Variants in LOC128125817 observed in about 807,000 individuals in gnomAD.
the LOC128125817 span, among the ~76,000 whole-genome samples, chr1:41,606,973 T>C: frequency 6.6e-6 from 1 of 152,006 alleles, no homozygotes; most frequent in Non-Finnish European, 1.5e-5. Context: ...AAAATCTGTG[T>C]GTGTTTCTTT....
the LOC128125817 span, among the ~76,000 whole-genome samples, chr1:41,595,307 A>T: frequency 6.6e-6 from 1 of 152,170 alleles, no homozygotes; most frequent in Non-Finnish European, 1.5e-5. Flanking sequence ...CTTGTCAGTA[A>T]TTCTCAGTAG....
At chr1:41,616,600 A>G in the LOC128125817 span, among the ~76,000 whole-genome samples, 1 of 140,466 alleles carries the variant, frequency 7.1e-6, no homozygotes, top group African/African-American at 2.7e-5. Context: ...AGGGTATAGG[A>G]AGTGGGGAAG....
At chr1:41,600,078 A>G in the LOC128125817 span, among the ~76,000 whole-genome samples, 1 of 152,220 alleles carries the variant, frequency 6.6e-6, no homozygotes, top group Non-Finnish European at 1.5e-5. Context: ...ATTTGCAAGG[A>G]TGTAGAGAAA....
At chr1:41,624,047 A>G in the LOC128125817 span, among the ~76,000 whole-genome samples, 8 of 152,196 alleles carry the variant, frequency 5.3e-5, no homozygotes, top group Non-Finnish European at 1.2e-4. Context: ...AACAACTGCT[A>G]GGAGACTTCC....
chr1:41,604,013 G>T, the LOC128125817 span, among the ~76,000 whole-genome samples: 5 of 152,246 alleles, frequency 3.3e-5, no homozygotes, highest in Non-Finnish European at 7.3e-5. Flanking sequence ...CAGCTAACAT[G>T]AAGCAAACAA....
At chr1:41,627,342 TGC>T in the LOC128125817 span, among the ~76,000 whole-genome samples, 1 of 152,200 alleles carries the variant, frequency 6.6e-6, no homozygotes, top group African/African-American at 2.4e-5. Context: ...AACCAGTAAG[TGC>T]CTCACACAAC....
the LOC128125817 span, among the ~76,000 whole-genome samples, chr1:41,611,643 T>C: frequency 6.6e-6 from 1 of 152,190 alleles, no homozygotes; most frequent in Non-Finnish European, 1.5e-5. Context: ...CACCTCCACA[T>C]GTGGCTCTAG....
At chr1:41,608,490 C>G in the LOC128125817 span, among the ~76,000 whole-genome samples, 2 of 152,106 alleles carry the variant, frequency 1.3e-5, no homozygotes, top group Non-Finnish European at 2.9e-5. Flanking sequence ...GTGAAGAAGG[C>G]GGGGAGGGGT....
chr1:41,618,003 T>C, the LOC128125817 span, among the ~76,000 whole-genome samples: 3 of 152,160 alleles, frequency 2.0e-5, no homozygotes, highest in East Asian at 5.8e-4. Context: ...GGTGGGTGCA[T>C]TTCCCCAGCT....
the LOC128125817 span, among the ~76,000 whole-genome samples, chr1:41,590,249 G>A: frequency 7.2e-4 from 110 of 152,358 alleles, no homozygotes; most frequent in Non-Finnish European, 5.9e-5. Context: ...GGTCAAGGCG[G>A]AGCTCTGGCT....
the LOC128125817 span, among the ~76,000 whole-genome samples, chr1:41,604,438 T>C: frequency 3.3e-5 from 5 of 152,188 alleles, no homozygotes; most frequent in Non-Finnish European, 7.4e-5. Flanking sequence ...ATATGCCGTG[T>C]GATGATGTGA....
the LOC128125817 span, among the ~76,000 whole-genome samples, chr1:41,618,454 TG>T: frequency 6.6e-6 from 1 of 152,244 alleles, no homozygotes; most frequent in African/African-American, 2.4e-5. Context: ...GTTGAGGAGC[TG>T]GTGTGCCCAT....
the LOC128125817 span, among the ~76,000 whole-genome samples, chr1:41,586,455 C>T: frequency 6.6e-6 from 1 of 152,150 alleles, no homozygotes; most frequent in East Asian, 1.9e-4. Flanking sequence ...GTTTGTTCCC[C>T]AGCCCCTTCT....
At chr1:41,596,541 A>G in the LOC128125817 span, among the ~76,000 whole-genome samples, 1 of 152,234 alleles carries the variant, frequency 6.6e-6, no homozygotes, top group African/African-American at 2.4e-5. Context: ...TGGCCTGGGC[A>G]GGAACTAGGC....
the LOC128125817 span, among the ~76,000 whole-genome samples, chr1:41,616,584 T>TC: frequency 1.3e-5 from 2 of 148,926 alleles, no homozygotes; most frequent in Admixed American, 6.7e-5. Flanking sequence ...TTTTTTTTTT[T>TC]CAAACAGGGT....
the LOC128125817 span, among the ~76,000 whole-genome samples, chr1:41,611,516 C>G: frequency 6.6e-6 from 1 of 152,238 alleles, no homozygotes. Flanking sequence ...CAGATGAGGA[C>G]ACAAAGGCAC....
chr1:41,592,084 G>A, the LOC128125817 span, among the ~76,000 whole-genome samples: 1 of 152,166 alleles, frequency 6.6e-6, no homozygotes, highest in Non-Finnish European at 1.5e-5. Flanking sequence ...GAGAGCCAGG[G>A]GGCTGAGCAC....
chr1:41,616,195 T>C, the LOC128125817 span, among the ~76,000 whole-genome samples: 1 of 152,086 alleles, frequency 6.6e-6, no homozygotes, highest in South Asian at 2.1e-4. Context: ...ATGGTTGGCA[T>C]GGCTCATACA....
chr1:41,611,437 G>A, the LOC128125817 span, among the ~76,000 whole-genome samples: 5 of 152,172 alleles, frequency 3.3e-5, no homozygotes, highest in African/African-American at 7.2e-5. Context: ...GCTCTCTGCC[G>A]AGAACCTGAC....
Sources: allele counts gnomAD v4.1 joint callset (sites outside exome capture counted in the v4.1 genomes callset), GRCh38; gene constraint gnomAD v4.1.1; transcripts MANE v1.5.